Variants in TRDN observed in about 807,000 individuals in gnomAD.
TRDN encodes triadin.
TRDN carries 161 observed loss-of-function variants against 149.7 expected under a neutral mutation model. The ratio of observed to expected loss-of-function variants is 1.08; its 90% CI spans 0.95 to 1.23. The LOEUF (loss-of-function observed/expected upper bound fraction) is 1.23, where lower values mean the gene tolerates loss of function less well. TRDN is among the 50% of genes most tolerant of loss of function. The pLI, the probability that TRDN is intolerant of heterozygous loss-of-function variation, is 0.00. For missense variants in TRDN, 896 were observed against 823.5 expected, an observed-to-expected ratio of 1.09 and a Z score of -1.08; for synonymous variants, 294 against 250.5, an observed-to-expected ratio of 1.17 and a Z score of -1.64.
chr6:123,440,554 C>A (rs914760650), intron 10 of TRDN, among the ~76,000 whole-genome samples: 3 of 152,130 alleles, frequency 2.0e-5, no homozygotes, highest in Admixed American at 6.5e-5. Flanking sequence ...CTAAGCATCA[C>A]CTCTGATGTC....
intron 21 of TRDN, among the ~76,000 whole-genome samples, chr6:123,347,799 T>TA (rs1267899170): frequency 6.6e-6 from 1 of 152,026 alleles, no homozygotes; most frequent in East Asian, 1.9e-4. Flanking sequence ...TTTGCTTATT[T>TA]AAAAAAGGCA....
intron 10 of TRDN, among the ~76,000 whole-genome samples, chr6:123,452,197 T>C (rs1775816819): frequency 2.6e-5 from 4 of 152,132 alleles, no homozygotes; most frequent in Admixed American, 1.3e-4. Context: ...AAGACAAGGA[T>C]GTCCACTCTC....
At chr6:123,420,390 T>TA (rs1562304532) in intron 12 of TRDN, among the ~76,000 whole-genome samples, 99 of 68,246 alleles carry the variant, frequency 1.5e-3, no homozygotes, top group Admixed American at 2.8e-3. Flanking sequence ...AAGGATTTTT[T>TA]TAAAAAAAAA....
At chr6:123,362,852 T>C (rs1203336917) in intron 20 of TRDN, among the ~76,000 whole-genome samples, 1 of 152,164 alleles carries the variant, frequency 6.6e-6, no homozygotes, top group Non-Finnish European at 1.5e-5. Flanking sequence ...TTTCTCGATT[T>C]TTCATATAAT....
At chr6:123,422,437 A>C (rs1773945654) in intron 12 of TRDN, among the ~76,000 whole-genome samples, 1 of 152,160 alleles carries the variant, frequency 6.6e-6, no homozygotes, top group East Asian at 1.9e-4. Context: ...AAGCTTAGTT[A>C]AGGGAGATGG....
intron 1 of TRDN, among the ~76,000 whole-genome samples, chr6:123,630,138 G>T (rs1031961191): frequency 6.9e-6 from 1 of 145,130 alleles, no homozygotes; most frequent in Admixed American, 6.6e-5. Context: ...ATGCATAGTT[G>T]CCAGATGAAG....
At chr6:123,521,639 G>T (rs920121918) in intron 5 of TRDN, among the ~76,000 whole-genome samples, 1 of 152,080 alleles carries the variant, frequency 6.6e-6, no homozygotes, top group African/African-American at 2.4e-5. Flanking sequence ...AAGAATAATA[G>T]TAATAATTAG....
intron 9 of TRDN, among the ~76,000 whole-genome samples, chr6:123,492,388 A>G (rs1375788148): frequency 2.0e-5 from 3 of 152,164 alleles, no homozygotes; most frequent in Non-Finnish European, 4.4e-5. Flanking sequence ...TGTAGTGGAC[A>G]TTTAAATTGG....
intron 12 of TRDN, chr6:123,429,277 A>T (rs559586649): frequency 6.6e-6 from 1 of 152,304 alleles, no homozygotes; most frequent in African/African-American, 2.4e-5. Flanking sequence ...TAAAAAGTGG[A>T]TTATAATGGT....
At chr6:123,397,307 A>G (rs1772773501) in intron 12 of TRDN, among the ~76,000 whole-genome samples, 1 of 152,148 alleles carries the variant, frequency 6.6e-6, no homozygotes, top group Non-Finnish European at 1.5e-5. Context: ...CTCCTACCAC[A>G]CAGACTTTAT....
At chr6:123,240,949 G>T (rs1775967967) in intron 38 of TRDN, among the ~76,000 whole-genome samples, 1 of 151,816 alleles carries the variant, frequency 6.6e-6, no homozygotes. Context: ...ATGCTAGAAA[G>T]TATCATTAAT....
intron 23 of TRDN, among the ~76,000 whole-genome samples, chr6:123,326,736 C>A (rs1453297186): frequency 6.6e-6 from 1 of 151,940 alleles, no homozygotes. Flanking sequence ...ACAAATATCA[C>A]CCACATTTTT....
At position 123,413,099 on chromosome 6, in the gene TRDN, A is replaced by G. The variant is rs575899552; in HGVS notation, c.1052-19422T>C. Among the ~76,000 whole-genome samples the G allele has an allele frequency of 8.4e-4, 128 of 152,282 alleles. 1 individual carries two copies. The Middle Eastern group carries it at 0.01, about 12-fold the overall frequency. The stretch of plus-strand genomic sequence containing the variant: ...AAGCAATATAAGAAATCAAGATATC[A>G]TAGTACTTCTTGATTTGAAAAGTTA... On this transcript the variant is annotated intron_variant, in intron 12 of 40. Coordinates refer to ENST00000334268, the MANE Select transcript of TRDN (RefSeq NM_006073.4).
At position 123,359,740 on chromosome 6, in the gene TRDN, G is replaced by A. The variant is rs189553171; in HGVS notation, c.1321+6395C>T. On this transcript the variant is annotated intron_variant, in intron 20 of 40. Coordinates refer to ENST00000334268, the MANE Select transcript of TRDN (RefSeq NM_006073.4). ...AGACAGAGCCTCGCTCTGTCGCCCA[G>A]GCTGGAGTGCAGTGGCCGGATCTCG... Among the ~76,000 whole-genome samples, 159 of 152,316 alleles carry A rather than the reference G, an allele frequency of 1.0e-3. 3 individuals carry two copies. Among genetic ancestry groups the A allele is most frequent in the Admixed American group, 9.1e-3 (140 of 15,304 alleles).
At chr6:123,482,176 A>AT (rs1424465389) in intron 9 of TRDN, among the ~76,000 whole-genome samples, 2 of 152,228 alleles carry the variant, frequency 1.3e-5, no homozygotes, top group African/African-American at 2.4e-5. Flanking sequence ...TATACAGCCA[A>AT]TTAAAAAGAA....
In TRDN at chr6:123,273,319, G is replaced by A; in HGVS notation, c.1624+18C>T. ...TTCGTAAGAAAGTCTAAGCATAAAA[G>A]ATAAAATTAATACATACTGTGTATT... On this transcript the variant is annotated intron_variant, in intron 28 of 40. Coordinates refer to ENST00000334268, the MANE Select transcript of TRDN (RefSeq NM_006073.4). 1 of 1,080,832 alleles carries A rather than the reference G, an allele frequency of 9.3e-7. No individual in the cohort carries two copies. Among genetic ancestry groups the A allele is most frequent in the South Asian group, 1.7e-5 (1 of 59,660 alleles). The allele number at this position is 1,080,832 out of a possible 1,614,324, so 67.0% of individuals were successfully genotyped here. A position where few individuals can be genotyped will look rare whatever the true frequency, so the allele number is the denominator to read the frequency against.
intron 29 of TRDN, among the ~76,000 whole-genome samples, chr6:123,271,879 T>C (rs1039464933): frequency 5.3e-5 from 8 of 151,956 alleles, no homozygotes; most frequent in Non-Finnish European, 1.2e-4. Context: ...TACAAGACAA[T>C]GCATTTGATG....
At chr6:123,375,159 C>G (rs953925489) in intron 19 of TRDN, among the ~76,000 whole-genome samples, 1 of 151,978 alleles carries the variant, frequency 6.6e-6, no homozygotes, top group South Asian at 2.1e-4. Flanking sequence ...AGAATAGAAA[C>G]CTTAAAAGGG....
chr6:123,403,407 G>GA (rs1457434725), intron 12 of TRDN, among the ~76,000 whole-genome samples: 1 of 151,968 alleles, frequency 6.6e-6, no homozygotes, highest in Admixed American at 6.6e-5. Context: ...GAGGCCATAG[G>GA]AAAAAAAGAA....
Sources: gnomAD v4.1 joint callset for allele counts (sites outside exome capture counted in the v4.1 genomes callset) on GRCh38, gnomAD v4.1.1 for gene constraint, MANE v1.5 for transcripts, NCBI Gene and HGNC (gene_info 2026-07-23, HGNC 2026-07-21) for gene names.